CARMIL1: variants seen among roughly 807,000 people sequenced by gnomAD.
The protein encoded by CARMIL1 is F-actin-uncapping protein LRRC16A.
Under a neutral mutation model 177.1 loss-of-function variants are expected in CARMIL1, and 90 were observed. That is an observed-to-expected ratio of 0.51 (90% CI 0.43 to 0.61). The LOEUF is 0.61. Ranked by LOEUF, CARMIL1 falls within the 20% of genes least tolerant of loss-of-function variation. The pLI is 0.00. For synonymous variants in CARMIL1, 577 were observed against 606.2 expected, an observed-to-expected ratio of 0.95 and a Z score of 0.71; for missense variants, 1,380 against 1,667.0, an observed-to-expected ratio of 0.83 and a Z score of 3.00.
At chr6:25,606,917 A>G (rs568012153) in intron 35 of CARMIL1, among the ~76,000 whole-genome samples, 4 of 152,290 alleles carry the variant, frequency 2.6e-5, no homozygotes, top group Admixed American at 2.6e-4. Flanking sequence ...GTTTGCTATT[A>G]GTTTAGAAAA....
intron 36 of CARMIL1, among the ~76,000 whole-genome samples, chr6:25,617,778 G>A (rs978103303): frequency 2.6e-5 from 4 of 152,128 alleles, no homozygotes; most frequent in Non-Finnish European, 4.4e-5. Flanking sequence ...ATTCACCTTT[G>A]TTCTCTAAAC....
chr6:25,468,423 T>G (rs900245314), intron 9 of CARMIL1, among the ~76,000 whole-genome samples: 6 of 152,234 alleles, frequency 3.9e-5, no homozygotes, highest in African/African-American at 1.2e-4. Flanking sequence ...TTTTAAAAAT[T>G]ATTTTACTTT....
intron 33 of CARMIL1, among the ~76,000 whole-genome samples, chr6:25,604,083 T>A (rs916015102): frequency 5.3e-5 from 8 of 152,218 alleles, no homozygotes; most frequent in South Asian, 2.1e-4. Flanking sequence ...ATATATATAT[T>A]TTTAAATAGA....
chr6:25,507,783 C>G (rs77463569), intron 17 of CARMIL1, among the ~76,000 whole-genome samples: 7 of 152,210 alleles, frequency 4.6e-5, no homozygotes, highest in African/African-American at 1.7e-4. Flanking sequence ...TTTATCTTCT[C>G]AAAAGCATAC....
intron 24 of CARMIL1, among the ~76,000 whole-genome samples, chr6:25,531,174 A>G (rs1407338748): frequency 6.6e-6 from 1 of 152,236 alleles, no homozygotes; most frequent in Non-Finnish European, 1.5e-5. Flanking sequence ...AAGCCACCAG[A>G]GGAATTAAAG....
chr6:25,546,185 T>G (rs1809448134), intron 26 of CARMIL1, among the ~76,000 whole-genome samples: 1 of 152,138 alleles, frequency 6.6e-6, no homozygotes, highest in African/African-American at 2.4e-5. Context: ...AAGTCAGGAA[T>G]AAGGCAAAGA....
intron 2 of CARMIL1, among the ~76,000 whole-genome samples, chr6:25,368,301 A>T (rs571678472): frequency 6.6e-6 from 1 of 152,346 alleles, no homozygotes; most frequent in Admixed American, 6.5e-5. Flanking sequence ...TTCCCAAGGG[A>T]AATAAGCTAA....
At chr6:25,596,664 A>G (rs1814881648) in intron 32 of CARMIL1, among the ~76,000 whole-genome samples, 1 of 152,160 alleles carries the variant, frequency 6.6e-6, no homozygotes, top group Non-Finnish European at 1.5e-5. Context: ...AAGTGTTTCA[A>G]TATTTGGGAT....
intron 27 of CARMIL1, among the ~76,000 whole-genome samples, chr6:25,552,903 T>C (rs1810249092): frequency 6.6e-6 from 1 of 152,182 alleles, no homozygotes; most frequent in Non-Finnish European, 1.5e-5. Flanking sequence ...ATAACCTGTA[T>C]TTTTAATATG....
intron 8 of CARMIL1, among the ~76,000 whole-genome samples, chr6:25,459,208 C>T (rs1799790325): frequency 1.3e-5 from 1 of 78,758 alleles, no homozygotes; most frequent in East Asian, 5.4e-4. Context: ...AGGATCCCAA[C>T]TTTTTCTTTC....
chr6:25,579,233 T>A (rs1198046825), intron 29 of CARMIL1, among the ~76,000 whole-genome samples: 3 of 145,848 alleles, frequency 2.1e-5, no homozygotes, highest in Admixed American at 7.0e-5. Context: ...TGAATACACT[T>A]CCTGTAAAAT....
At chr6:25,510,640 T>C in intron 19 of CARMIL1, 34 bp downstream of exon 19, 1 of 1,505,986 alleles carries the variant, frequency 6.6e-7, no homozygotes, top group Non-Finnish European at 9.0e-7. Context: ...ATGACAATGA[T>C]GAAAATAACC....
rs151237965 is a variant in CARMIL1 at position 25,462,603 on chromosome 6, C to T, written c.615-3270C>T. On this transcript the variant is annotated intron_variant, in intron 8 of 36. Coordinates refer to ENST00000329474, the MANE Select transcript of CARMIL1 (RefSeq NM_017640.6). The stretch of plus-strand genomic sequence containing the variant: ...TGCTCAGGTTCCCCATGCTGTTGTA[C>T]GTGCTATTCCTAATTTCTTAAAATA... Among the ~76,000 whole-genome samples the T allele has an allele frequency of 1.3e-3, 194 of 152,276 alleles. 1 individual carries two copies. Among genetic ancestry groups the T allele is most frequent in the Admixed American group, 8.1e-3 (124 of 15,290 alleles).
intron 8 of CARMIL1, among the ~76,000 whole-genome samples, chr6:25,459,053 T>C (rs1799774709): frequency 6.6e-6 from 1 of 151,944 alleles, no homozygotes; most frequent in Non-Finnish European, 1.5e-5. Flanking sequence ...CTGAGACTAG[T>C]TCATGGATTT....
At chr6:25,309,567 T>C (rs1355724213) in intron 2 of CARMIL1, among the ~76,000 whole-genome samples, 2 of 151,750 alleles carry the variant, frequency 1.3e-5, no homozygotes, top group Admixed American at 6.6e-5. Flanking sequence ...TGGCAACAGC[T>C]AGTCTACTTT....
intron 5 of CARMIL1, among the ~76,000 whole-genome samples, chr6:25,441,333 ATATATGTGTGTGTGTG>A (rs1222792200): frequency 3.0e-5 from 2 of 66,968 alleles, no homozygotes; most frequent in South Asian, 4.7e-4. Flanking sequence ...ATATATATAT[ATATATGTGTGTGTGTG>A]TGTGTGTGTG....
At chr6:25,608,667 A>G (rs551549372) in intron 35 of CARMIL1, among the ~76,000 whole-genome samples, 1 of 152,336 alleles carries the variant, frequency 6.6e-6, no homozygotes, top group South Asian at 2.1e-4. Flanking sequence ...TTTCAAATAC[A>G]CCATCTCATT....
At chr6:25,380,888 A>C (rs146031044) in intron 2 of CARMIL1, among the ~76,000 whole-genome samples, 18 of 152,320 alleles carry the variant, frequency 1.2e-4, no homozygotes, top group African/African-American at 3.6e-4. Flanking sequence ...ATTTGCTCTA[A>C]AGTAGCAAGA....
At chr6:25,374,167 A>T (rs766329654) in intron 2 of CARMIL1, among the ~76,000 whole-genome samples, 2 of 152,206 alleles carry the variant, frequency 1.3e-5, no homozygotes, top group Non-Finnish European at 2.9e-5. Flanking sequence ...GTAGGCATTT[A>T]GTGCTATAAA....
Sources: allele counts gnomAD v4.1 joint callset (sites outside exome capture counted in the v4.1 genomes callset), GRCh38; gene constraint gnomAD v4.1.1; transcripts MANE v1.5; gene names NCBI Gene and HGNC (gene_info 2026-07-23, HGNC 2026-07-21).